NTN4: variants seen among roughly 807,000 people sequenced by gnomAD.
NTN4 encodes netrin 4.
NTN4 carries 32 observed loss-of-function variants against 73.6 expected under a neutral mutation model. The ratio of observed to expected loss-of-function variants is 0.44; its 90% CI spans 0.33 to 0.58. The LOEUF is 0.58. Among genes scored for constraint, NTN4 ranks in the 20% least tolerant of loss-of-function variants. The pLI is 0.04. For synonymous variants in NTN4, 258 were observed against 287.5 expected (o/e 0.90, Z 1.04); for missense variants, 654 against 798.3 (o/e 0.82, Z 2.18).
chr12:95,766,205 T>C (rs2079020500), intron 2 of NTN4, among the ~76,000 whole-genome samples: 1 of 152,204 alleles, frequency 6.6e-6, no homozygotes, highest in Non-Finnish European at 1.5e-5. Flanking sequence ...TAAAAGAGTT[T>C]CACCAAAATT....
rs141327771 is a variant in NTN4 at position 95,720,455 on chromosome 12, C to T, written c.865-7117G>A. ...GCCTCTCTCTACTAGATTGTAAGAC[C>T]TTGCAGGGAACAAACAGTGGCTTAA... is the stretch of plus-strand genomic sequence containing the variant. On this transcript the variant is annotated intron_variant, in intron 3 of 9. Coordinates refer to ENST00000343702, the MANE Select transcript of NTN4 (RefSeq NM_021229.4). Among the ~76,000 whole-genome samples, 1,072 of 152,260 alleles carry T rather than the reference C, an allele frequency of 7.0e-3. 14 individuals carry two copies. The highest frequency in any genetic ancestry group is 8.1e-3 in the Non-Finnish European group (551 of 68,024).
rs915171400 is a variant in NTN4 at position 95,790,680 on chromosome 12, G to C, written c.-371C>G. On this transcript the variant is annotated 5_prime_UTR_variant, in exon 1 of 10. Transcript: ENST00000343702. The surrounding 1 kb of genome is among the most constrained non-coding windows in gnomAD (Gnocchi z 6.5). ...AACTTTGCGAGACCTTTCACTTCCC[G>C]GCCGCCGCCGCCGCCTCCTCCTGGG... The C allele has an allele frequency of 1.2e-5, 2 of 166,818 alleles. No individual in the cohort carries two copies. The highest frequency in any genetic ancestry group is 4.8e-5 in the African/African-American group (2 of 41,818). 10.3% of individuals were successfully genotyped at this position (166,818 alleles called of 1,614,324 possible).
chr12:95,660,071 G>T (rs1291131221), intron 9 of NTN4, among the ~76,000 whole-genome samples: 1 of 151,918 alleles, frequency 6.6e-6, no homozygotes, highest in African/African-American at 2.4e-5. Flanking sequence ...TGGAGTACAG[G>T]GGTGCCGTCT....
chr12:95,706,351 G>A (rs907093545), intron 5 of NTN4, among the ~76,000 whole-genome samples: 60 of 152,268 alleles, frequency 3.9e-4, no homozygotes, highest in African/African-American at 1.4e-3. Flanking sequence ...TTGCCAGTAA[G>A]TGTTTTCTTT....
chr12:95,765,097 G>A (rs1461664322), intron 2 of NTN4, among the ~76,000 whole-genome samples: 1 of 152,152 alleles, frequency 6.6e-6, no homozygotes, highest in Non-Finnish European at 1.5e-5. Context: ...TTTCAGTTTT[G>A]ATAAGACATT....
intron 2 of NTN4, among the ~76,000 whole-genome samples, chr12:95,756,299 T>C (rs770167312): frequency 6.6e-6 from 1 of 152,262 alleles, no homozygotes; most frequent in Non-Finnish European, 1.5e-5. Flanking sequence ...ATGGATGTGA[T>C]TAACTGTACA....
chr12:95,742,020 C>A (rs2078830427), intron 2 of NTN4, among the ~76,000 whole-genome samples: 2 of 152,140 alleles, frequency 1.3e-5, no homozygotes, highest in Admixed American at 1.3e-4. Context: ...CCTGGTCTTG[C>A]CTTATTTCTC....
At chr12:95,782,556 T>A (rs2079140997) in intron 2 of NTN4, among the ~76,000 whole-genome samples, 1 of 152,160 alleles carries the variant, frequency 6.6e-6, no homozygotes, top group African/African-American at 2.4e-5. Context: ...CCTCCCAAAG[T>A]GCTGGGATTA....
chr12:95,763,246 TTAA>T (rs1195542368), intron 2 of NTN4, among the ~76,000 whole-genome samples: 1 of 151,508 alleles, frequency 6.6e-6, no homozygotes, highest in African/African-American at 2.4e-5. Context: ...CAAAGAATTT[TTAA>T]TAATCAAAAA....
chr12:95,684,469 A>C (rs556682373), intron 5 of NTN4, among the ~76,000 whole-genome samples: 1 of 128,222 alleles, frequency 7.8e-6, no homozygotes, highest in South Asian at 2.4e-4. Flanking sequence ...TGGCTACTTA[A>C]AAAAAATTTT....
At chr12:95,762,881 A>G (rs186104917) in intron 2 of NTN4, among the ~76,000 whole-genome samples, 171 of 152,346 alleles carry the variant, frequency 1.1e-3, no homozygotes, top group Admixed American at 2.0e-3. Flanking sequence ...TTCGGCTTCT[A>G]AAACTGTTTC....
At chr12:95,752,728 A>G (rs544153407) in intron 2 of NTN4, among the ~76,000 whole-genome samples, 34 of 152,270 alleles carry the variant, frequency 2.2e-4, no homozygotes, top group African/African-American at 8.2e-4. Flanking sequence ...GAATTCTTAC[A>G]TAAGAGCCAG....
chr12:95,740,269 C>T (rs1419991116), intron 2 of NTN4, among the ~76,000 whole-genome samples: 1 of 152,180 alleles, frequency 6.6e-6, no homozygotes, highest in Non-Finnish European at 1.5e-5. Flanking sequence ...CCCTTTGGGT[C>T]CCACCCAGTT....
chr12:95,741,691 TAAC>T (rs1287927913), intron 2 of NTN4, among the ~76,000 whole-genome samples: 2 of 149,106 alleles, frequency 1.3e-5, no homozygotes, highest in East Asian at 1.9e-4. Context: ...AGTAAGAGAT[TAAC>T]AACAAATAAT....
In NTN4 at chr12:95,754,508, C is replaced by T. The variant is rs575376066; in HGVS notation, c.586-16364G>A. On this transcript the variant is annotated intron_variant, in intron 2 of 9. Transcript: ENST00000343702. ...GCCATCGCATCCCCTGTGACTTGCA[C>T]GTATACGCCCAGATGGCCTCAAGTA... Among the ~76,000 whole-genome samples the T allele has an allele frequency of 2.4e-4, 37 of 152,238 alleles. No individual in the cohort carries two copies. In the East Asian group the frequency reaches 5.4e-3, roughly 22 times the overall value.
chr12:95,764,237 A>G (rs2079006091), intron 2 of NTN4, among the ~76,000 whole-genome samples: 1 of 152,216 alleles, frequency 6.6e-6, no homozygotes, highest in Non-Finnish European at 1.5e-5. Context: ...GAAACTGAGC[A>G]GGAGATTAAA....
At chr12:95,745,101 A>AAATTTT (rs2078853007) in intron 2 of NTN4, among the ~76,000 whole-genome samples, 1 of 151,948 alleles carries the variant, frequency 6.6e-6, no homozygotes, top group African/African-American at 2.4e-5. Context: ...TTGCTTTTTA[A>AAATTTT]ACAATTTGAT....
chr12:95,707,321 T>C (rs753667328), intron 5 of NTN4, among the ~76,000 whole-genome samples: 5 of 152,164 alleles, frequency 3.3e-5, no homozygotes, highest in Non-Finnish European at 5.9e-5. Flanking sequence ...CCCCATGTTA[T>C]TTCCTTTGTC....
intron 3 of NTN4, 151 bp from the exon 4 acceptor site, chr12:95,713,489 T>C (rs1441159882): frequency 2.4e-6 from 2 of 824,368 alleles, no homozygotes; most frequent in Admixed American, 6.5e-5. Flanking sequence ...GGAGAGATGC[T>C]TTCTTTAGTT....
Sources: gnomAD v4.1 joint callset for allele counts (sites outside exome capture counted in the v4.1 genomes callset) on GRCh38, gnomAD v4.1.1 for gene constraint, Gnocchi (gnomAD v3.1) non-coding constraint, MANE v1.5 for transcripts, NCBI Gene and HGNC (gene_info 2026-07-23, HGNC 2026-07-21) for gene names.